GIT2: variants seen among roughly 807,000 people sequenced by gnomAD.
GIT2 encodes ARF GTPase-activating protein GIT2.
A neutral mutation model predicts 100.3 loss-of-function variants in GIT2; 32 were observed. That is an observed-to-expected ratio of 0.32 (90% CI 0.24 to 0.43). The LOEUF (loss-of-function observed/expected upper bound fraction) is 0.43. GIT2 is among the 20% of genes least tolerant of loss of function. The pLI is 1.00. For missense variants in GIT2, 737 were observed against 975.1 expected, an observed-to-expected ratio of 0.76 and a Z score of 3.25; for synonymous variants, 353 against 364.1, an observed-to-expected ratio of 0.97 and a Z score of 0.35.
At chr12:109,945,652 G>A (rs1876115756) in intron 15 of GIT2, among the ~76,000 whole-genome samples, 1 of 152,076 alleles carries the variant, frequency 6.6e-6, no homozygotes, top group Admixed American at 6.6e-5. Context: ...TTTCAATCAG[G>A]ACTGATGTGA....
At chr12:109,936,408 T>C (rs1006023768) in intron 18 of GIT2, among the ~76,000 whole-genome samples, 1 of 152,038 alleles carries the variant, frequency 6.6e-6, no homozygotes, top group Non-Finnish European at 1.5e-5. Flanking sequence ...TCAGGGCAGA[T>C]ATTTGTATTT....
chr12:109,999,541 C>A (rs1889827126), upstream of GIT2: 3 of 492,976 alleles, frequency 6.1e-6, no homozygotes, highest in South Asian at 8.0e-5. The surrounding 1 kb of genome is among the most constrained non-coding windows in gnomAD (Gnocchi z 4.3). Context: ...CCGCGCGCCC[C>A]GCACCCGACC....
At chr12:109,998,065 AG>A (rs1308148155), upstream of GIT2, 2 of 152,238 alleles carry the variant, frequency 1.3e-5, no homozygotes, top group Middle Eastern at 3.2e-3. Context: ...TTAATGAGAT[AG>A]GGAGATTTTC....
rs1260726807 is a variant in GIT2, at chr12:109,961,620, C to A, written c.882G>T (p.Thr294=). 3 of 1,596,446 alleles carry A rather than the reference C, an allele frequency of 1.9e-6. No homozygotes were observed. Among genetic ancestry groups the A allele is most frequent in the Non-Finnish European group, 2.6e-6 (3 of 1,164,164 alleles). Residue 294 remains threonine (T), a synonymous_variant, in exon 10 of 20, where the codon ACG becomes ACT. Coordinates refer to ENST00000355312, the MANE Select transcript of GIT2 (RefSeq NM_057169.5). ...DVYDEVDRRE[T]DAVWLATQNH... is the part of the protein sequence containing the mutation. Reference sequence around the variant, plus strand: ...AAAGCCACGTCAAGTCACCTGCATCCGTCTCTCGCCTGTCAACTTCATCGT... The same window carrying A: ...AAAGCCACGTCAAGTCACCTGCATCAGTCTCTCGCCTGTCAACTTCATCGT...
upstream of GIT2, chr12:109,999,285 G>A (rs1311727322): frequency 6.5e-6 from 1 of 152,772 alleles, no homozygotes; most frequent in Non-Finnish European, 1.5e-5. This position sits in a 1 kb window ranked among gnomAD's most constrained non-coding sequence, Gnocchi z 4.3. Flanking sequence ...GCTCTGTTCT[G>A]TGGGCTGCAC....
At position 109,931,233 on chromosome 12, in the gene GIT2, A is replaced by T. The variant is rs940944899; in HGVS notation, c.*1745T>A. 35 of 152,270 alleles carry T rather than the reference A, an allele frequency of 2.3e-4. No homozygotes were observed. Among genetic ancestry groups the T allele is most frequent in the African/African-American group, 8.2e-4 (34 of 41,466 alleles). The allele number at this position is 152,270 out of a possible 1,614,324, so 9.4% of individuals were successfully genotyped here. A position where few individuals can be genotyped will look rare whatever the true frequency, so the allele number is the denominator to read the frequency against. The stretch of plus-strand genomic sequence containing the variant: ...TTCTTGTGTCTTCTTCACATGTGTG[A>T]ATGACTGCTATGGGACAGAACATAT... On this transcript the variant is annotated 3_prime_UTR_variant, in exon 20 of 20. Coordinates refer to ENST00000355312, the MANE Select transcript of GIT2 (RefSeq NM_057169.5).
intron 7 of GIT2, among the ~76,000 whole-genome samples, chr12:109,977,180 GCA>G (rs2136681752): frequency 6.6e-6 from 1 of 151,866 alleles, no homozygotes; most frequent in East Asian, 1.9e-4. Context: ...TTTTCTTTTA[GCA>G]CTTTAAAAGT....
upstream of GIT2, chr12:109,999,588 CGCTT>C (rs1889832749): frequency 1.0e-6 from 1 of 994,042 alleles, no homozygotes; most frequent in Admixed American, 3.3e-5. The surrounding 1 kb of genome is among the most constrained non-coding windows in gnomAD (Gnocchi z 4.3). Context: ...GCCCTACGCT[CGCTT>C]GCTCGCCGGC....
At chr12:109,965,270 C>T (rs1882038929) in intron 9 of GIT2, among the ~76,000 whole-genome samples, 1 of 152,142 alleles carries the variant, frequency 6.6e-6, no homozygotes, top group African/African-American at 2.4e-5. Context: ...CTGCCTAATG[C>T]CAAAGGTGCC....
chr12:109,983,969 C>G lies in GIT2; in HGVS notation c.406-275G>C, dbSNP rs1886847207. 3 of 403,274 alleles carry G rather than the reference C, an allele frequency of 7.4e-6. No homozygotes were observed. In the Admixed American group the frequency reaches 1.2e-4, roughly 16 times the overall value. 25.0% of individuals were successfully genotyped at this position (403,274 alleles called of 1,614,324 possible). ...ATCTAAGAAGTGGCACAACCAGAAC[C>G]TGAGTGAGAGGCAGGACTGTGTGAA... On this transcript the variant is annotated intron_variant, in intron 4 of 19. Transcript: ENST00000355312.
rs1287162357 is a variant in GIT2, at chr12:109,934,236, A to G, written c.2004-151T>C. On this transcript the variant is annotated intron_variant, in intron 18 of 19. Coordinates refer to ENST00000355312, the MANE Select transcript of GIT2 (RefSeq NM_057169.5). This position sits in a 1 kb window ranked among gnomAD's most constrained non-coding sequence, Gnocchi z 4.5. The stretch of plus-strand genomic sequence containing the variant: ...TGCATCCCACACCACCAGAGGGCAC[A>G]TGGTTATAAAGCAGGACTCTCATTG... 3 of 623,196 alleles carry G rather than the reference A, an allele frequency of 4.8e-6. No homozygotes were observed. Among genetic ancestry groups the G allele is most frequent in the African/African-American group, 1.8e-5 (1 of 54,540 alleles). 38.6% of individuals were successfully genotyped at this position (623,196 alleles called of 1,614,324 possible).
chr12:109,961,296 G>C lies in GIT2; in HGVS notation c.969C>G (p.Tyr323Ter). Residue 323 changes from tyrosine (Y) to a stop codon, truncating the protein, a stop_gained, in exon 11 of 20, where the codon TAC (tyrosine) becomes TAG (stop). Transcript: ENST00000355312. LOFTEE classifies it high-confidence loss of function. ...VVPFLPVNPE[Y>*]SSTRNQGRQK... is the part of the protein sequence containing the mutation. ...CACTTGCCTGATTTCGTGTTGATGAGTACTCAGGATTGACCGGAAGAAAGG... is the reference window on the plus strand; with the variant it reads ...CACTTGCCTGATTTCGTGTTGATGACTACTCAGGATTGACCGGAAGAAAGG... 3 of 1,607,706 alleles carry C rather than the reference G, an allele frequency of 1.9e-6. No individual in the cohort carries two copies. Among genetic ancestry groups the C allele is most frequent in the Non-Finnish European group, 2.6e-6 (3 of 1,174,176 alleles).
intron 2 of GIT2, 81 bp from the exon 3 acceptor site, chr12:109,989,883 C>T: frequency 1.3e-6 from 1 of 769,734 alleles, no homozygotes; most frequent in Non-Finnish European, 2.3e-6. Context: ...ACAGAGTAAA[C>T]AAAGTCCTGT....
At chr12:109,955,387 A>G (rs917517268) in intron 12 of GIT2, among the ~76,000 whole-genome samples, 1 of 152,092 alleles carries the variant, frequency 6.6e-6, no homozygotes, top group Non-Finnish European at 1.5e-5. Flanking sequence ...CGGCCTCCCA[A>G]AGTGCTGGGA....
chr12:109,991,619 T>C lies in GIT2; in HGVS notation c.186+8A>G, dbSNP rs1205873248. On this transcript the variant is annotated splice_region_variant and intron_variant, in intron 2 of 19. Transcript: ENST00000355312. ...TTACCAACTGTCAGGAGAATTCTTA[T>C]CCTTTACCTGAAGCAGTGTTGGAGG... is the stretch of plus-strand genomic sequence containing the variant. The C allele has an allele frequency of 6.2e-7, 1 of 1,609,038 alleles. No individual in the cohort carries two copies. The highest frequency in any genetic ancestry group is 1.7e-5 in the Admixed American group (1 of 59,434).
intron 9 of GIT2, among the ~76,000 whole-genome samples, chr12:109,963,849 G>A (rs770808933): frequency 2.1e-4 from 32 of 152,264 alleles, no homozygotes; most frequent in Middle Eastern, 3.4e-3. Flanking sequence ...AGTTCTGGCC[G>A]GCAGCCCCTG....
chr12:109,938,991 T>G (rs1275734903), intron 17 of GIT2, 174 bp downstream of exon 17: 1 of 599,670 alleles, frequency 1.7e-6, no homozygotes, highest in African/African-American at 1.8e-5. Flanking sequence ...TCGGCAACAA[T>G]GTGAGATGAC....
chr12:109,963,421 A>G (rs1481783126), intron 9 of GIT2, among the ~76,000 whole-genome samples: 1 of 152,214 alleles, frequency 6.6e-6, no homozygotes, highest in Non-Finnish European at 1.5e-5. Flanking sequence ...AACGCTGATT[A>G]TGGGCTTATA....
chr12:109,966,258 T>A (rs1401359424), intron 8 of GIT2, among the ~76,000 whole-genome samples: 2 of 115,744 alleles, frequency 1.7e-5, no homozygotes, highest in African/African-American at 3.3e-5. Context: ...CCTCTCAAAG[T>A]GCTGGGATTA....
Sources: allele counts gnomAD v4.1 joint callset (sites outside exome capture counted in the v4.1 genomes callset), GRCh38; gene constraint gnomAD v4.1.1; non-coding constraint Gnocchi (gnomAD v3.1); transcripts MANE v1.5; gene names NCBI Gene and HGNC (gene_info 2026-07-23, HGNC 2026-07-21).